The following PHF19 variants were observed in gnomAD, a reference collection of about 807,000 sequenced individuals.
PHF19 encodes the protein polycomb like 3.
A neutral mutation model predicts 79.8 loss-of-function variants in PHF19; 21 were observed. That is an observed-to-expected ratio of 0.26 (90% CI 0.19 to 0.38). PHF19 has a LOEUF of 0.38. PHF19 is among the 10% of genes least tolerant of loss of function. The pLI, the probability that PHF19 is intolerant of heterozygous loss-of-function variation, is 1.00. For synonymous variants in PHF19, 273 were observed against 296.3 expected, an observed-to-expected ratio of 0.92 and a Z score of 0.81; for missense variants, 445 against 744.2, an observed-to-expected ratio of 0.60 and a Z score of 4.68.
At chr9:120,873,497 C>T (rs1453962346) in intron 3 of PHF19, among the ~76,000 whole-genome samples, 2 of 152,234 alleles carry the variant, frequency 1.3e-5, no homozygotes, top group Non-Finnish European at 2.9e-5. Flanking sequence ...ATTGGTTTTT[C>T]TCCCATTCCT....
Position 120,862,337 on chromosome 9 carries a change from C to T in PHF19, c.1130+251G>A, listed in dbSNP as rs1316860976. 6.6e-6 allele frequency among the ~76,000 whole-genome samples: 1 copy of T among 152,214 alleles called. No individual in the cohort carries two copies. ...CTCACACACCCTGCCTTCCCCTTCACCTCCTTGCCCAAGTCCTAATCCAGC... is the reference window on the plus strand; with the variant it reads ...CTCACACACCCTGCCTTCCCCTTCATCTCCTTGCCCAAGTCCTAATCCAGC... On this transcript the variant is annotated intron_variant, in intron 11 of 14. Transcript: ENST00000373896. This position sits in a 1 kb window ranked among gnomAD's most constrained non-coding sequence, Gnocchi z 4.6.
Position 120,862,091 on chromosome 9 carries a change from G to T in PHF19, c.1131-86C>A. ...CAGAGGGAGGCGCCGCAGGGGCGGG[G>T]GTCACAGCAGTTGGGGAGACAGGCT... On this transcript the variant is annotated intron_variant, in intron 11 of 14. Coordinates refer to ENST00000373896, the MANE Select transcript of PHF19 (RefSeq NM_015651.3). The surrounding 1 kb of genome is among the most constrained non-coding windows in gnomAD (Gnocchi z 4.6). 2.2e-6 allele frequency: 2 copies of T among 917,810 alleles called. No individual in the cohort carries two copies. Among genetic ancestry groups the T allele is most frequent in the South Asian group, 2.6e-5 (2 of 77,238 alleles). The allele number at this position is 917,810 out of a possible 1,614,324, so 56.9% of individuals were successfully genotyped here.
At chr9:120,896,451 C>T (rs72758152), upstream of PHF19, among the ~76,000 whole-genome samples, 558 of 82,436 alleles carry the variant, frequency 6.8e-3, 1 homozygote, top group Middle Eastern at 0.021. Flanking sequence ...TTTTTTTTTT[C>T]TTTTTTTTTT....
chr9:120,897,734 C>T (rs1215834522), upstream of PHF19, among the ~76,000 whole-genome samples: 6 of 151,986 alleles, frequency 3.9e-5, no homozygotes, highest in Non-Finnish European at 8.8e-5. Context: ...ATCCCAGCAG[C>T]TTGGCAGGCC....
chr9:120,877,073 C>G lies in PHF19; in HGVS notation c.-16+18G>C. The G allele has an allele frequency of 1.0e-6, 1 of 985,450 alleles. No individual in the cohort carries two copies. The highest frequency in any genetic ancestry group is 1.2e-6 in the Non-Finnish European group (1 of 829,992). The allele number at this position is 985,450 out of a possible 1,614,324, so 61.0% of individuals were successfully genotyped here. On this transcript the variant is annotated intron_variant, in intron 1 of 14. Coordinates refer to ENST00000373896, the MANE Select transcript of PHF19 (RefSeq NM_015651.3). Reference sequence around the variant, plus strand: ...GGGAGAGCGTGGCGGGGAGTCCGCCCAACAGCGCAGAACTCACCGCGAGGC... The same window carrying G: ...GGGAGAGCGTGGCGGGGAGTCCGCCGAACAGCGCAGAACTCACCGCGAGGC...
chr9:120,891,901 G>T lies in PHF19; in HGVS notation c.42+2887C>A, dbSNP rs1490871981. ...TGGTGATCCTTCTGCACACAAATGT[G>T]CCAGGGCTCAAAACATCCTAAAACA... On this transcript the variant is annotated intron_variant, in intron 1 of 14. Coordinates refer to the PHF19 transcript ENST00000616568. This position sits in a 1 kb window ranked among gnomAD's most constrained non-coding sequence, Gnocchi z 4.3. Among the ~76,000 whole-genome samples, 1 of 152,076 alleles carries T rather than the reference G, an allele frequency of 6.6e-6. No individual in the cohort carries two copies. Among genetic ancestry groups the T allele is most frequent in the East Asian group, 1.9e-4 (1 of 5,190 alleles).
upstream of PHF19, among the ~76,000 whole-genome samples, chr9:120,881,405 C>T (rs1229952657): frequency 6.6e-6 from 1 of 152,114 alleles, no homozygotes; most frequent in Non-Finnish European, 1.5e-5. Context: ...CTTCTGCCTC[C>T]CAAAGTGCTG....
rs371289334 is a variant in PHF19, at chr9:120,874,064, G to A, written c.187-4C>T. 6.4e-7 allele frequency: 1 copy of A among 1,569,038 alleles called. No individual in the cohort carries two copies. The highest frequency in any genetic ancestry group is 8.8e-7 in the Non-Finnish European group (1 of 1,141,526). On this transcript the variant is annotated splice_polypyrimidine_tract_variant and splice_region_variant and intron_variant, in intron 2 of 14. Coordinates refer to ENST00000373896, the MANE Select transcript of PHF19 (RefSeq NM_015651.3). The surrounding 1 kb of genome is among the most constrained non-coding windows in gnomAD (Gnocchi z 4.5). ...AGCTTTGCTTAGAGCTGCTGACCTGGGGTACAGATAGGAAGGAGCAAGTGA... is the reference window on the plus strand; with the variant it reads ...AGCTTTGCTTAGAGCTGCTGACCTGAGGTACAGATAGGAAGGAGCAAGTGA...
At chr9:120,879,372 A>G (rs971454369), upstream of PHF19, among the ~76,000 whole-genome samples, 5 of 152,212 alleles carry the variant, frequency 3.3e-5, no homozygotes, top group African/African-American at 9.6e-5. Flanking sequence ...GCATAGATAA[A>G]TAAGAGGGGA....
Position 120,862,628 on chromosome 9 carries a change from C to A in PHF19, c.1090G>T (p.Ala364Ser). 3.1e-6 allele frequency: 5 copies of A among 1,614,120 alleles called. No individual in the cohort carries two copies. The highest frequency in any genetic ancestry group is 4.2e-6 in the Non-Finnish European group (5 of 1,180,000). ...DKGLLPNENS[A>S]SSELRKRGKS... ...CCTCTCTTACGCAGCTCAGAGGAGGCGCTGTTCTCATTTGGCAGCAGTCCT... is the reference window on the plus strand; with the variant it reads ...CCTCTCTTACGCAGCTCAGAGGAGGAGCTGTTCTCATTTGGCAGCAGTCCT... Residue 364 changes from alanine (A) to serine (S), a missense_variant, in exon 11 of 15, where the codon GCC becomes TCC. This residue lies in a region of PHF19 where 83 missense variants were observed against 85.5 expected (regional missense o/e 0.97). Transcript: ENST00000373896. This position sits in a 1 kb window ranked among gnomAD's most constrained non-coding sequence, Gnocchi z 4.6.
chr9:120,868,819 C>T, intron 6 of PHF19: 1 of 1,040,332 alleles, frequency 9.6e-7, no homozygotes, highest in Non-Finnish European at 1.2e-6. Flanking sequence ...TCCCTGGGGC[C>T]CTGCTTGGGC....
At chr9:120,903,028 C>T in the PHF19 span, 1 of 152,216 alleles carries the variant, frequency 6.6e-6, no homozygotes, top group African/African-American at 2.4e-5. Flanking sequence ...ACAAATCCCC[C>T]CTTGGGCTCA....
At chr9:120,890,093 A>T (rs2046321350) in intron 1 of PHF19, among the ~76,000 whole-genome samples, 1 of 152,216 alleles carries the variant, frequency 6.6e-6, no homozygotes, top group African/African-American at 2.4e-5. Context: ...TTCTCATCTC[A>T]GTGCCCAGTT....
At chr9:120,868,467 G>T (rs2045773098) in intron 6 of PHF19, 1 of 152,462 alleles carries the variant, frequency 6.6e-6, no homozygotes, top group Admixed American at 6.5e-5. Context: ...AGGCTAAGGG[G>T]TTGCACAGCT....
chr9:120,861,678 T>A (rs963687906), intron 12 of PHF19, among the ~76,000 whole-genome samples: 2 of 152,124 alleles, frequency 1.3e-5, no homozygotes, highest in Non-Finnish European at 2.9e-5. Flanking sequence ...TGTCCCTACC[T>A]GGACAGTGGG....
chr9:120,896,157 G>C (rs917910315), upstream of PHF19, among the ~76,000 whole-genome samples: 1 of 152,174 alleles, frequency 6.6e-6, no homozygotes, highest in African/African-American at 2.4e-5. Flanking sequence ...GAGGTTTTAA[G>C]GGGAGGAATT....
At chr9:120,896,235 T>G (rs2046400124), upstream of PHF19, among the ~76,000 whole-genome samples, 1 of 152,118 alleles carries the variant, frequency 6.6e-6, no homozygotes, top group South Asian at 2.1e-4. Context: ...TAGCTAGTGT[T>G]TACTGAGGGC....
At chr9:120,876,726 C>A (rs1448992397) in intron 1 of PHF19, among the ~76,000 whole-genome samples, 3 of 152,216 alleles carry the variant, frequency 2.0e-5, no homozygotes, top group Non-Finnish European at 4.4e-5. Context: ...CAGCGCTCCT[C>A]TCCTCAGTCG....
rs956237504 is a variant in PHF19, at chr9:120,856,382, C to CGCCAGT, written c.*1556_*1561dup. The CGCCAGT allele has an allele frequency of 2.0e-5, 3 of 152,644 alleles. No homozygotes were observed. The highest frequency in any genetic ancestry group is 7.2e-5 in the African/African-American group (3 of 41,458). 9.5% of individuals were successfully genotyped at this position (152,644 alleles called of 1,614,324 possible). Reference sequence around the variant, plus strand: ...AACAGCTCCTGCAGGCCTGCTGCCCCGCCAGTGCCTCTTGCTGTACTACCA... The same window carrying CGCCAGT: ...AACAGCTCCTGCAGGCCTGCTGCCCCGCCAGTGCCAGTGCCTCTTGCTGTACTACCA... On this transcript the variant is annotated 3_prime_UTR_variant, in exon 15 of 15. Transcript: ENST00000373896.
Sources: allele counts gnomAD v4.1 joint callset (sites outside exome capture counted in the v4.1 genomes callset), GRCh38; gene constraint gnomAD v4.1.1; regional missense constraint gnomAD v4.1.1; non-coding constraint Gnocchi (gnomAD v3.1); transcripts MANE v1.5; gene names NCBI Gene and HGNC (gene_info 2026-07-23, HGNC 2026-07-21).